The following NALF1 variants were observed in gnomAD, a reference collection of about 807,000 sequenced individuals.
The protein encoded by NALF1 is NALCN channel auxiliary factor 1.
Under a neutral mutation model 48.4 loss-of-function variants are expected in NALF1, and 3 were observed. The observed-to-expected ratio is 0.06, with a 90% CI of 0.03 to 0.16. The LOEUF (loss-of-function observed/expected upper bound fraction) is 0.16. Ranked by LOEUF, NALF1 falls within the 10% of genes least tolerant of loss-of-function variation. The pLI is 1.00. For missense variants in NALF1, 526 were observed against 571.5 expected, an observed-to-expected ratio of 0.92 and a Z score of 0.81; for synonymous variants, 262 against 245.7, an observed-to-expected ratio of 1.07 and a Z score of -0.62.
At chr13:107,199,457 T>A (rs145670263) in intron 2 of NALF1, among the ~76,000 whole-genome samples, 1 of 152,296 alleles carries the variant, frequency 6.6e-6, no homozygotes, top group African/African-American at 2.4e-5. Flanking sequence ...TAATGACCCA[T>A]TTTAACTTGA....
chr13:107,345,120 G>C (rs946186592), intron 1 of NALF1, among the ~76,000 whole-genome samples: 1 of 151,650 alleles, frequency 6.6e-6, no homozygotes, highest in East Asian at 1.9e-4. Context: ...CACAAGACTT[G>C]TACACTGACA....
At chr13:107,807,342 G>T (rs890056555) in intron 1 of NALF1, among the ~76,000 whole-genome samples, 2 of 152,036 alleles carry the variant, frequency 1.3e-5, no homozygotes, top group Non-Finnish European at 2.9e-5. Flanking sequence ...GACTCTGCAA[G>T]AACTAATAAA....
At chr13:107,224,167 TG>T (rs1339658579) in intron 1 of NALF1, among the ~76,000 whole-genome samples, 4 of 151,964 alleles carry the variant, frequency 2.6e-5, no homozygotes, top group African/African-American at 9.7e-5. Flanking sequence ...AGCAGACAGT[TG>T]ATCATTATAT....
At chr13:107,445,728 AT>A (rs1005048150) in intron 1 of NALF1, among the ~76,000 whole-genome samples, 6 of 152,004 alleles carry the variant, frequency 3.9e-5, no homozygotes, top group African/African-American at 1.4e-4. Flanking sequence ...ATTTAGTGTT[AT>A]TTTTTCATTG....
chr13:107,768,366 T>C (rs56193410), intron 1 of NALF1, among the ~76,000 whole-genome samples: 1,749 of 152,278 alleles, frequency 0.011, 9 homozygotes, highest in Non-Finnish European at 0.017. Context: ...TAAAAATAAA[T>C]ATATTTCCTA....
intron 1 of NALF1, among the ~76,000 whole-genome samples, chr13:107,690,694 G>T (rs1469493035): frequency 6.6e-6 from 1 of 152,198 alleles, no homozygotes; most frequent in Non-Finnish European, 1.5e-5. Context: ...CTTTGAAGGA[G>T]ATGGGAGAGG....
chr13:107,453,130 C>T (rs1042059311), intron 1 of NALF1, among the ~76,000 whole-genome samples: 2 of 152,188 alleles, frequency 1.3e-5, no homozygotes, highest in African/African-American at 4.8e-5. Context: ...TCCAATCTGT[C>T]AGTGAATCTA....
intron 1 of NALF1, among the ~76,000 whole-genome samples, chr13:107,725,899 GA>G: frequency 1.3e-5 from 2 of 152,176 alleles, no homozygotes; most frequent in Middle Eastern, 3.4e-3. Context: ...AGTATCCCAG[GA>G]AAAACCCATT....
intron 1 of NALF1, among the ~76,000 whole-genome samples, chr13:107,229,954 C>A (rs991936988): frequency 6.6e-6 from 1 of 152,038 alleles, no homozygotes; most frequent in South Asian, 2.1e-4. Context: ...TTGCATTCTG[C>A]GATGGAAGAT....
chr13:107,304,032 C>T (rs1881890094), intron 1 of NALF1, among the ~76,000 whole-genome samples: 1 of 152,118 alleles, frequency 6.6e-6, no homozygotes, highest in South Asian at 2.1e-4. Context: ...CTGATCATAT[C>T]ATTTGAACCA....
intron 1 of NALF1, among the ~76,000 whole-genome samples, chr13:107,236,681 CTATCT>C (rs1371053159): frequency 2.5e-5 from 2 of 79,638 alleles, no homozygotes; most frequent in Admixed American, 2.6e-4. Context: ...GTCTATCTAT[CTATCT>C]ATCTATCTAT....
At chr13:107,642,799 T>C (rs1880195764) in intron 1 of NALF1, among the ~76,000 whole-genome samples, 1 of 152,200 alleles carries the variant, frequency 6.6e-6, no homozygotes, top group African/African-American at 2.4e-5. Flanking sequence ...CGTGAACAAA[T>C]GCCTTAATCA....
At chr13:107,400,156 T>C (rs557080191) in intron 1 of NALF1, among the ~76,000 whole-genome samples, 24 of 152,276 alleles carry the variant, frequency 1.6e-4, no homozygotes, top group African/African-American at 5.5e-4. Flanking sequence ...CATCTGATTT[T>C]TAGCATTTAG....
At chr13:107,611,431 G>A (rs934272645) in intron 1 of NALF1, among the ~76,000 whole-genome samples, 3 of 152,182 alleles carry the variant, frequency 2.0e-5, no homozygotes, top group Admixed American at 2.0e-4. Flanking sequence ...AAAACAACTA[G>A]AGTGTCCATT....
chr13:107,606,899 T>C (rs1879088568), intron 1 of NALF1, among the ~76,000 whole-genome samples: 1 of 152,190 alleles, frequency 6.6e-6, no homozygotes, highest in Non-Finnish European at 1.5e-5. Flanking sequence ...CTGATTTGTC[T>C]CTATTCCACA....
In NALF1 at chr13:107,288,001, C is replaced by T. The variant is rs182037580; in HGVS notation, c.916-77246G>A. 2.2e-3 allele frequency among the ~76,000 whole-genome samples: 342 copies of T among 152,034 alleles called. 2 individuals are homozygous for T. Among genetic ancestry groups the T allele is most frequent in the African/African-American group, 7.7e-3 (319 of 41,506 alleles). On this transcript the variant is annotated intron_variant, in intron 1 of 2. Transcript: ENST00000375915. The stretch of plus-strand genomic sequence containing the variant: ...GGGATTACAGGCGTGAGCCACCACA[C>T]CTGGCCATGTTTCTGTGTCTTCACT...
At chr13:107,200,111 GGA>G (rs761294210) in intron 2 of NALF1, among the ~76,000 whole-genome samples, 38 of 152,340 alleles carry the variant, frequency 2.5e-4, no homozygotes, top group Non-Finnish European at 5.3e-4. Context: ...AAAACGAGAA[GGA>G]GAGAGGAAAG....
chr13:107,393,781 A>C (rs181795851), intron 1 of NALF1, among the ~76,000 whole-genome samples: 5 of 152,330 alleles, frequency 3.3e-5, no homozygotes, highest in Non-Finnish European at 7.4e-5. Flanking sequence ...GGAATCAGTC[A>C]AGGTGACTTG....
At chr13:107,194,003 C>T (rs1879334809) in intron 2 of NALF1, among the ~76,000 whole-genome samples, 2 of 143,340 alleles carry the variant, frequency 1.4e-5, no homozygotes, top group South Asian at 4.7e-4. Context: ...ATATACCTAT[C>T]TATCTTATCT....
Sources: allele counts gnomAD v4.1 joint callset (sites outside exome capture counted in the v4.1 genomes callset), GRCh38; gene constraint gnomAD v4.1.1; transcripts MANE v1.5; gene names NCBI Gene and HGNC (gene_info 2026-07-23, HGNC 2026-07-21).